The following SFMBT1 variants were observed in gnomAD, a reference collection of about 807,000 sequenced individuals.
The protein encoded by SFMBT1 is scm-like with four MBT domains protein 1.
Under a neutral mutation model 108.7 loss-of-function variants are expected in SFMBT1, and 32 were observed. The ratio of observed to expected loss-of-function variants is 0.29; its 90% confidence interval spans 0.22 to 0.40. The LOEUF is 0.40. Among genes scored for constraint, SFMBT1 ranks in the 10% least tolerant of loss-of-function variants. SFMBT1 has a pLI of 1.00. For synonymous variants in SFMBT1, 348 were observed against 369.5 expected (o/e 0.94, Z 0.67); for missense variants, 816 against 1,059.6 (o/e 0.77, Z 3.19).
intron 1 of SFMBT1, among the ~76,000 whole-genome samples, chr3:52,993,254 G>A (rs1197653597): frequency 6.7e-6 from 1 of 149,674 alleles, no homozygotes; most frequent in African/African-American, 2.4e-5. Flanking sequence ...ATGCTAAATG[G>A]ACATGTTTAG....
Position 52,916,142 on chromosome 3 carries a change from G to T in SFMBT1, c.1480+8C>A. The T allele has an allele frequency of 6.2e-7, 1 of 1,612,476 alleles. No individual in the cohort carries two copies. The highest frequency in any genetic ancestry group is 8.5e-7 in the Non-Finnish European group (1 of 1,178,748). ...TCTTCTTTTCCTTAAGATGACATGT[G>T]CTTATACCTGACTCTGTGGAGTTCA... is the stretch of plus-strand genomic sequence containing the variant. On this transcript the variant is annotated splice_region_variant and intron_variant, in intron 14 of 20. Transcript: ENST00000394752.
Position 52,907,884 on chromosome 3 carries a change from G to A in SFMBT1, c.1907-151C>T, listed in dbSNP as rs1001702926. 4 of 726,870 alleles carry A rather than the reference G, an allele frequency of 5.5e-6. No homozygotes were observed. The Admixed American group carries it at 8.8e-5, about 16-fold the overall frequency. 45.0% of individuals were successfully genotyped at this position (726,870 alleles called of 1,614,324 possible). A position where few individuals can be genotyped will look rare whatever the true frequency, so the allele number is the denominator to read the frequency against. Reference sequence around the variant, plus strand: ...AGAGTGGAATAAACAGATCTGAAGTGCACGGTTTGACTAGTACTGAATGAT... The same window carrying A: ...AGAGTGGAATAAACAGATCTGAAGTACACGGTTTGACTAGTACTGAATGAT... On this transcript the variant is annotated intron_variant, in intron 17 of 20. Transcript: ENST00000394752.
chr3:52,956,187 C>T (rs1354614231), intron 2 of SFMBT1, among the ~76,000 whole-genome samples: 3 of 152,304 alleles, frequency 2.0e-5, no homozygotes, highest in South Asian at 4.1e-4. Flanking sequence ...GTAGGCTGGG[C>T]GTGGTAGCTC....
At chr3:52,950,628 T>G (rs751357273) in intron 3 of SFMBT1, among the ~76,000 whole-genome samples, 1 of 152,030 alleles carries the variant, frequency 6.6e-6, no homozygotes, top group African/African-American at 2.4e-5. Context: ...GCACCCACCA[T>G]CATGCCTGTC....
chr3:52,910,663 A>AT (rs2106763042), intron 17 of SFMBT1, among the ~76,000 whole-genome samples: 1 of 151,962 alleles, frequency 6.6e-6, no homozygotes, highest in East Asian at 1.9e-4. Context: ...TAGTTTTTCT[A>AT]TTTTTAGTAG....
intron 1 of SFMBT1, among the ~76,000 whole-genome samples, chr3:52,986,634 G>A (rs1478552274): frequency 6.6e-6 from 1 of 151,934 alleles, no homozygotes; most frequent in African/African-American, 2.4e-5. Context: ...TAGTCGGGCA[G>A]GCATGGTGGC....
intron 1 of SFMBT1, among the ~76,000 whole-genome samples, chr3:52,973,661 C>T (rs1243567540): frequency 6.6e-6 from 1 of 152,110 alleles, no homozygotes; most frequent in Non-Finnish European, 1.5e-5. Flanking sequence ...CACACAGTAT[C>T]ACTGTGTTGC....
At chr3:52,948,161 T>A (rs750244500) in intron 3 of SFMBT1, among the ~76,000 whole-genome samples, 2 of 152,230 alleles carry the variant, frequency 1.3e-5, no homozygotes, top group Non-Finnish European at 2.9e-5. Context: ...GAAGTTAATA[T>A]GAAGTTAAAT....
rs1702754712 is a variant in SFMBT1 at position 52,928,641 on chromosome 3, T to TATATACATATATACATATATAC, written c.898-301_898-300insGTATATATGTATATATGTATAT. 7.6e-5 allele frequency: 4 copies of TATATACATATATACATATATAC among 52,960 alleles called. 1 individual carries two copies. Among genetic ancestry groups the TATATACATATATACATATATAC allele is most frequent in the African/African-American group, 1.8e-4 (4 of 21,966 alleles). 3.3% of individuals were successfully genotyped at this position (52,960 alleles called of 1,614,324 possible). A position where few individuals can be genotyped will look rare whatever the true frequency, so the allele number is the denominator to read the frequency against. On this transcript the variant is annotated intron_variant, in intron 8 of 20. Coordinates refer to ENST00000394752, the MANE Select transcript of SFMBT1 (RefSeq NM_016329.4). The stretch of plus-strand genomic sequence containing the variant: ...ATACATATATACATATATATACATA[T>TATATACATATATACATATATAC]ATATATATATATACACATATATACA...
chr3:52,949,731 C>T (rs1003292029), intron 3 of SFMBT1, among the ~76,000 whole-genome samples: 14 of 151,718 alleles, frequency 9.2e-5, no homozygotes, highest in African/African-American at 3.4e-4. Flanking sequence ...AGGCATGCAC[C>T]ACCACGCCTG....
At chr3:53,017,380 T>C (rs1699161411) in intron 1 of SFMBT1, among the ~76,000 whole-genome samples, 1 of 152,236 alleles carries the variant, frequency 6.6e-6, no homozygotes, top group Non-Finnish European at 1.5e-5. Flanking sequence ...GCAGTTCTTT[T>C]ATTAATTCAC....
chr3:53,040,518 C>G (rs529654699), intron 1 of SFMBT1, among the ~76,000 whole-genome samples: 1 of 152,076 alleles, frequency 6.6e-6, no homozygotes, highest in South Asian at 2.1e-4. Context: ...TAAACAGATA[C>G]TGACACTTAA....
intron 1 of SFMBT1, among the ~76,000 whole-genome samples, chr3:52,972,777 A>G (rs1211989046): frequency 6.7e-6 from 1 of 148,888 alleles, no homozygotes; most frequent in African/African-American, 2.5e-5. Context: ...ACACACACAC[A>G]CACACACACA....
At chr3:52,991,563 C>T (rs1705132487) in intron 1 of SFMBT1, among the ~76,000 whole-genome samples, 1 of 151,944 alleles carries the variant, frequency 6.6e-6, no homozygotes, top group Non-Finnish European at 1.5e-5. Context: ...AGGATGGTCT[C>T]GAACTACTGA....
intron 1 of SFMBT1, among the ~76,000 whole-genome samples, chr3:53,019,330 ATGTG>A (rs775505182): frequency 6.7e-6 from 1 of 149,584 alleles, no homozygotes; most frequent in Non-Finnish European, 1.5e-5. Context: ...ACGCATGTGC[ATGTG>A]TGTGTGTGAA....
chr3:52,925,614 G>A (rs1227085377), intron 10 of SFMBT1, among the ~76,000 whole-genome samples: 1 of 152,152 alleles, frequency 6.6e-6, no homozygotes, highest in Non-Finnish European at 1.5e-5. Context: ...AACGGGGTAG[G>A]GCAGGGACTG....
At chr3:52,985,345 C>T (rs1704867660) in intron 1 of SFMBT1, among the ~76,000 whole-genome samples, 1 of 152,150 alleles carries the variant, frequency 6.6e-6, no homozygotes, top group Non-Finnish European at 1.5e-5. Context: ...CTCAACAGAA[C>T]AAATGCTTGT....
rs771103925 is a variant in SFMBT1, at chr3:52,907,546, A to G, written c.2085+9T>C. 4.3e-6 allele frequency: 7 copies of G among 1,610,418 alleles called. No individual in the cohort carries two copies. Among genetic ancestry groups the G allele is most frequent in the Admixed American group, 3.4e-5 (2 of 59,400 alleles). ...TCAAGACATTACAGGCACATCACAG[A>G]TCTCATACCTGGGGAGAGCCCGCTG... On this transcript the variant is annotated intron_variant, in intron 18 of 20. Coordinates refer to ENST00000394752, the MANE Select transcript of SFMBT1 (RefSeq NM_016329.4).
chr3:52,950,517 C>T (rs1379081169), intron 3 of SFMBT1, among the ~76,000 whole-genome samples: 4 of 152,092 alleles, frequency 2.6e-5, no homozygotes, highest in Non-Finnish European at 4.4e-5. Context: ...CTCTGTTGCC[C>T]AGGCTGGAGT....
Sources: allele counts gnomAD v4.1 joint callset (sites outside exome capture counted in the v4.1 genomes callset), GRCh38; gene constraint gnomAD v4.1.1; transcripts MANE v1.5; gene names NCBI Gene and HGNC (gene_info 2026-07-23, HGNC 2026-07-21).